RABGEF1: variants seen among roughly 807,000 people sequenced by gnomAD.
RABGEF1 encodes rab5 GDP/GTP exchange factor.
In RABGEF1, 26 loss-of-function variants were observed where a neutral mutation model predicts 57.3. The ratio of observed to expected loss-of-function variants is 0.45; its 90% CI spans 0.33 to 0.63. RABGEF1 has a LOEUF of 0.63. RABGEF1 is among the 20% of genes least tolerant of loss of function. RABGEF1 has a pLI of 0.02. For synonymous variants in RABGEF1, 185 were observed against 210.7 expected (o/e 0.88, Z 1.06); for missense variants, 464 against 607.6 (o/e 0.76, Z 2.48).
At chr7:66,803,350 G>A (rs1429473865) in intron 7 of RABGEF1, among the ~76,000 whole-genome samples, 28 of 152,136 alleles carry the variant, frequency 1.8e-4, no homozygotes, top group Non-Finnish European at 4.4e-5. Context: ...ATACCCCACC[G>A]CCTGGCCAGA....
At chr7:66,716,892 C>T (rs1331257931) in intron 2 of RABGEF1, among the ~76,000 whole-genome samples, 1 of 152,184 alleles carries the variant, frequency 6.6e-6, no homozygotes, top group African/African-American at 2.4e-5. Context: ...GATCCTTGTG[C>T]CTCAGCCTCC....
intron 2 of RABGEF1, chr7:66,773,933 T>G (rs1224467471): frequency 2.5e-6 from 1 of 402,800 alleles, no homozygotes. Flanking sequence ...CCCAGTGTGC[T>G]GGGATTACAG....
Position 66,810,301 on chromosome 7 carries a change from G to T in RABGEF1, c.*1017G>T, listed in dbSNP as rs1366289194. On this transcript the variant is annotated 3_prime_UTR_variant, in exon 9 of 9. Coordinates refer to ENST00000284957, the MANE Select transcript of RABGEF1 (RefSeq NM_014504.3). The stretch of plus-strand genomic sequence containing the variant: ...ACTATTCATATTAGTGGCCTGAGAG[G>T]TGTTTGTTGTGGGGCCACCCTGTGC... 4 of 152,178 alleles carry T rather than the reference G, an allele frequency of 2.6e-5. No individual in the cohort carries two copies. Among genetic ancestry groups the T allele is most frequent in the African/African-American group, 9.7e-5 (4 of 41,422 alleles). 9.4% of individuals were successfully genotyped at this position (152,178 alleles called of 1,614,324 possible).
chr7:66,719,920 T>C (rs532936739), intron 2 of RABGEF1, among the ~76,000 whole-genome samples: 153 of 152,284 alleles, frequency 1.0e-3, no homozygotes, highest in African/African-American at 3.4e-3. Context: ...GTCCCTGATG[T>C]GGACCAGCAG....
chr7:66,714,627 TTA>T (rs754099769), intron 2 of RABGEF1, among the ~76,000 whole-genome samples: 3 of 152,190 alleles, frequency 2.0e-5, no homozygotes, highest in Non-Finnish European at 2.9e-5. Flanking sequence ...TTTACTCTTT[TTA>T]TAGTTTCTTA....
chr7:66,662,238 C>CAA, the RABGEF1 span, among the ~76,000 whole-genome samples: 22 of 88,128 alleles, frequency 2.5e-4, no homozygotes, highest in African/African-American at 3.7e-4. Flanking sequence ...GACTCCGTCT[C>CAA]AAAAAAAAAA....
At chr7:66,696,558 C>T (rs760560291) in intron 1 of RABGEF1, among the ~76,000 whole-genome samples, 1 of 151,852 alleles carries the variant, frequency 6.6e-6, no homozygotes, top group Non-Finnish European at 1.5e-5. Flanking sequence ...GGCATGATGG[C>T]GGGTACCTGA....
the RABGEF1 span, chr7:66,669,192 C>G: frequency 6.6e-6 from 1 of 152,528 alleles, no homozygotes; most frequent in African/African-American, 2.4e-5. Context: ...GCCCTGGGTC[C>G]TGGAGCCTGG....
At chr7:66,749,643 T>C (rs1800965089) in intron 1 of RABGEF1, among the ~76,000 whole-genome samples, 2 of 151,994 alleles carry the variant, frequency 1.3e-5, no homozygotes, top group Non-Finnish European at 2.9e-5. Flanking sequence ...CACTACACTC[T>C]AGCCTGGGCA....
upstream of RABGEF1, among the ~76,000 whole-genome samples, chr7:66,681,218 T>C (rs1040670153): frequency 6.6e-6 from 1 of 152,236 alleles, no homozygotes; most frequent in African/African-American, 2.4e-5. Context: ...TTTCTGTGAC[T>C]GCACCTTTCA....
chr7:66,797,315 AAAAAAAGAG>A (rs1786213950), intron 5 of RABGEF1, 50 bp from the exon 6 acceptor site: 39 of 1,451,204 alleles, frequency 2.7e-5, no homozygotes, highest in Admixed American at 2.4e-4. Flanking sequence ...GCAAAAAAAA[AAAAAAAGAG>A]AGAGAAAAAA....
chr7:66,760,823 C>G (rs62466850), intron 1 of RABGEF1, among the ~76,000 whole-genome samples: 5,563 of 152,040 alleles, frequency 0.037, 158 homozygotes, highest in East Asian at 0.085. Flanking sequence ...GAGACAGAGT[C>G]TTGCTGTGTT....
chr7:66,792,752 A>G (rs1238773943), intron 4 of RABGEF1, among the ~76,000 whole-genome samples: 2 of 152,214 alleles, frequency 1.3e-5, no homozygotes, highest in East Asian at 1.9e-4. Context: ...AGGAATGGTA[A>G]TAAATGGCCA....
chr7:66,729,438 TCTC>T (rs777569138), intron 2 of RABGEF1, among the ~76,000 whole-genome samples: 1 of 148,978 alleles, frequency 6.7e-6, no homozygotes, highest in African/African-American at 2.5e-5. Flanking sequence ...TCCCGTCTAT[TCTC>T]CTCTCCAACC....
At chr7:66,699,687 A>G (rs994585194) in intron 1 of RABGEF1, among the ~76,000 whole-genome samples, 7 of 121,480 alleles carry the variant, frequency 5.8e-5, no homozygotes, top group Non-Finnish European at 1.1e-4. Context: ...GCAAAATTCC[A>G]TCTCAAAAAA....
Position 66,810,743 on chromosome 7 carries a change from A to G in RABGEF1, c.*1459A>G, listed in dbSNP as rs929221177. ...GGCCCCAGGGCACCGTTCTAGAACAACGTCACTTCACACAGGCAGCTGAGA... is the reference window on the plus strand; with the variant it reads ...GGCCCCAGGGCACCGTTCTAGAACAGCGTCACTTCACACAGGCAGCTGAGA... On this transcript the variant is annotated 3_prime_UTR_variant, in exon 9 of 9. Transcript: ENST00000284957. The G allele has an allele frequency of 1.3e-5, 2 of 152,370 alleles. No homozygotes were observed. The highest frequency in any genetic ancestry group is 4.8e-5 in the African/African-American group (2 of 41,586). The allele number at this position is 152,370 out of a possible 1,614,324, so 9.4% of individuals were successfully genotyped here. A position where few individuals can be genotyped will look rare whatever the true frequency, so the allele number is the denominator to read the frequency against.
the RABGEF1 span, among the ~76,000 whole-genome samples, chr7:66,670,697 T>A: frequency 6.6e-6 from 1 of 151,878 alleles, no homozygotes; most frequent in Non-Finnish European, 1.5e-5. Flanking sequence ...AATACAAAAG[T>A]TAGCTGGGTG....
chr7:66,746,774 C>T (rs1800347561), intron 1 of RABGEF1, among the ~76,000 whole-genome samples: 1 of 147,524 alleles, frequency 6.8e-6, no homozygotes, highest in African/African-American at 2.5e-5. Flanking sequence ...TGGGCTCCTG[C>T]CACCACGTCC....
chr7:66,676,564 T>C, the RABGEF1 span, among the ~76,000 whole-genome samples: 1 of 152,176 alleles, frequency 6.6e-6, no homozygotes, highest in African/African-American at 2.4e-5. Context: ...AAGGGTGAAC[T>C]GTATTCTCTC....
Sources: gnomAD v4.1 joint callset for allele counts (sites outside exome capture counted in the v4.1 genomes callset) on GRCh38, gnomAD v4.1.1 for gene constraint, MANE v1.5 for transcripts, NCBI Gene and HGNC (gene_info 2026-07-23, HGNC 2026-07-21) for gene names.